Variants in SLC26A9 observed in about 807,000 individuals in gnomAD.
SLC26A9 encodes anion transporter/exchanger protein 9.
SLC26A9 carries 46 observed loss-of-function variants against 87.1 expected under a neutral mutation model. The observed-to-expected ratio is 0.53, with a 90% confidence interval of 0.42 to 0.67. The LOEUF (loss-of-function observed/expected upper bound fraction) is 0.67, where lower values mean the gene tolerates loss of function less well. SLC26A9 is among the 30% of genes least tolerant of loss of function. The pLI is 0.00. For synonymous variants in SLC26A9, 437 were observed against 409.1 expected, an observed-to-expected ratio of 1.07 and a Z score of -0.82; for missense variants, 927 against 1,018.3, an observed-to-expected ratio of 0.91 and a Z score of 1.22.
chr1:205,939,127 C>CAT (rs1659636998), intron 1 of SLC26A9, among the ~76,000 whole-genome samples: 1 of 152,204 alleles, frequency 6.6e-6, no homozygotes, highest in African/African-American at 2.4e-5. Flanking sequence ...CCTGAGTTTG[C>CAT]ATAAAGAGGA....
At chr1:205,921,150 G>C (rs1012147382) in intron 17 of SLC26A9, among the ~76,000 whole-genome samples, 1 of 152,236 alleles carries the variant, frequency 6.6e-6, no homozygotes, top group Non-Finnish European at 1.5e-5. Flanking sequence ...TGGCCTGATG[G>C]TGTGGGGCAC....
At chr1:205,929,144 G>A in intron 7 of SLC26A9, 60 bp downstream of exon 7, 1 of 1,578,096 alleles carries the variant, frequency 6.3e-7, no homozygotes, top group East Asian at 2.2e-5. Context: ...AGGAAAGGTA[G>A]GGGCTTCCTC....
intron 15 of SLC26A9, 68 bp downstream of exon 15, chr1:205,923,267 G>T: frequency 6.2e-7 from 1 of 1,609,162 alleles, no homozygotes; most frequent in Non-Finnish European, 8.5e-7. Context: ...AGCTCCCACC[G>T]CCCTTCTGCT....
chr1:205,934,793 A>G (rs1659442873), intron 2 of SLC26A9, among the ~76,000 whole-genome samples: 1 of 152,234 alleles, frequency 6.6e-6, no homozygotes, highest in South Asian at 2.1e-4. Context: ...TCTGAGGAGC[A>G]CAGCTGTGAG....
At chr1:205,918,493 G>A (rs1571729165) in intron 19 of SLC26A9, among the ~76,000 whole-genome samples, 1 of 152,182 alleles carries the variant, frequency 6.6e-6, no homozygotes, top group African/African-American at 2.4e-5. Flanking sequence ...GGAGGAGGCA[G>A]GGAACGATGC....
At chr1:205,916,103 T>TTTTGTTTG (rs10647790) in intron 20 of SLC26A9, among the ~76,000 whole-genome samples, 9 of 151,588 alleles carry the variant, frequency 5.9e-5, no homozygotes, top group Admixed American at 5.9e-4. Context: ...TTAGGTTTTG[T>TTTTGTTTG]TTTGTTTGTT....
chr1:205,922,201 A>G (rs1658869196), intron 16 of SLC26A9, among the ~76,000 whole-genome samples: 1 of 152,164 alleles, frequency 6.6e-6, no homozygotes, highest in Non-Finnish European at 1.5e-5. Context: ...CAGTGGCACT[A>G]TCTCGGCTCA....
At position 205,926,637 on chromosome 1, in the gene SLC26A9, A is replaced by C; in HGVS notation, c.1294-7T>G. ...TCAGGGCTCCTAGCACAGACTAGAG[A>C]AGCAGAACATTGCTCCAGGACCCCA... On this transcript the variant is annotated splice_polypyrimidine_tract_variant and splice_region_variant and intron_variant, in intron 11 of 20. Transcript: ENST00000367135. 1.2e-6 allele frequency: 2 copies of C among 1,613,262 alleles called. No individual in the cohort carries two copies. The highest frequency in any genetic ancestry group is 1.3e-5 in the African/African-American group (1 of 74,964).
chr1:205,926,284 T>C (rs750675716), intron 12 of SLC26A9, among the ~76,000 whole-genome samples: 12 of 152,194 alleles, frequency 7.9e-5, no homozygotes, highest in Non-Finnish European at 1.6e-4. Context: ...AAATAACCAT[T>C]TGCCCAGTTA....
chr1:205,934,561 ACATTCATTCATT>A (rs373462472), intron 2 of SLC26A9, among the ~76,000 whole-genome samples: 1 of 152,220 alleles, frequency 6.6e-6, no homozygotes, highest in Non-Finnish European at 1.5e-5. Flanking sequence ...AGCTTTCTAG[ACATTCATTCATT>A]CATTCATTCA....
Position 205,914,767 on chromosome 1 carries a change from G to GA in SLC26A9, c.*589_*590insT. On this transcript the variant is annotated 3_prime_UTR_variant, in exon 21 of 21. Coordinates refer to ENST00000367135, the MANE Select transcript of SLC26A9 (RefSeq NM_052934.4). The stretch of plus-strand genomic sequence containing the variant: ...GCAGCCTTGGGGATGATGGAGGGGG[G>GA]GCGCATAGTTACCAAGGCCTAGACT... 3 of 1,199,342 alleles carry GA rather than the reference G, an allele frequency of 2.5e-6. No individual in the cohort carries two copies. Among genetic ancestry groups the GA allele is most frequent in the Non-Finnish European group, 2.3e-6 (2 of 852,608 alleles). 74.3% of individuals were successfully genotyped at this position (1,199,342 alleles called of 1,614,324 possible). A position where few individuals can be genotyped will look rare whatever the true frequency, so the allele number is the denominator to read the frequency against.
intron 8 of SLC26A9, 82 bp from the exon 9 acceptor site, chr1:205,928,131 C>A: frequency 6.7e-7 from 1 of 1,501,812 alleles, no homozygotes; most frequent in Non-Finnish European, 9.0e-7. Flanking sequence ...CCACAGGGAC[C>A]AGCCAGGCCC....
chr1:205,922,963 C>T (rs370279960), intron 16 of SLC26A9, 119 bp downstream of exon 16: 1 of 831,794 alleles, frequency 1.2e-6, no homozygotes, highest in Non-Finnish European at 2.0e-6. Context: ...TTCCCAGAGA[C>T]TTTCTGTCTT....
At position 205,914,633 on chromosome 1, in the gene SLC26A9, C is replaced by G. The variant is rs1314717201; in HGVS notation, c.*724G>C. The G allele has an allele frequency of 2.3e-6, 1 of 437,182 alleles. No individual in the cohort carries two copies. Among genetic ancestry groups the G allele is most frequent in the South Asian group, 4.6e-5 (1 of 21,508 alleles). 27.1% of individuals were successfully genotyped at this position (437,182 alleles called of 1,614,324 possible). On this transcript the variant is annotated 3_prime_UTR_variant, in exon 21 of 21. Coordinates refer to ENST00000367135, the MANE Select transcript of SLC26A9 (RefSeq NM_052934.4). Reference sequence around the variant, plus strand: ...GCAGTGATGTTTCAGGAGGCTGAGGCAGAACCTTAGTGGGCTGTCCCCGGG... The same window carrying G: ...GCAGTGATGTTTCAGGAGGCTGAGGGAGAACCTTAGTGGGCTGTCCCCGGG...
chr1:205,920,070 T>C (rs982089977), intron 18 of SLC26A9, 106 bp downstream of exon 18: 3 of 1,268,352 alleles, frequency 2.4e-6, no homozygotes, highest in Non-Finnish European at 3.4e-6. Context: ...GGGGGATAGC[T>C]GGGTGCTCTC....
At chr1:205,926,271 A>G (rs919188113) in intron 12 of SLC26A9, among the ~76,000 whole-genome samples, 1 of 152,238 alleles carries the variant, frequency 6.6e-6, no homozygotes, top group African/African-American at 2.4e-5. Context: ...GGCAGAGAGC[A>G]TAAAATAACC....
intron 1 of SLC26A9, among the ~76,000 whole-genome samples, chr1:205,942,662 C>T (rs560996397): frequency 6.6e-6 from 1 of 152,310 alleles, no homozygotes; most frequent in Admixed American, 6.5e-5. Context: ...GGCTGCCCAT[C>T]CACTGTCCTG....
chr1:205,919,490 C>A (rs1296096255), intron 18 of SLC26A9, among the ~76,000 whole-genome samples: 1 of 152,200 alleles, frequency 6.6e-6, no homozygotes, highest in Non-Finnish European at 1.5e-5. Context: ...GATTCTCTCC[C>A]CGAACGTGGC....
chr1:205,913,574 C>T lies in SLC26A9; in HGVS notation c.*1783G>A, dbSNP rs189687708. The T allele has an allele frequency of 4.6e-5, 7 of 152,794 alleles. No homozygotes were observed. In the East Asian group the frequency reaches 1.4e-3, roughly 29 times the overall value. The allele number at this position is 152,794 out of a possible 1,614,324, so 9.5% of individuals were successfully genotyped here. On this transcript the variant is annotated 3_prime_UTR_variant, in exon 21 of 21. Transcript: ENST00000367135. Reference sequence around the variant, plus strand: ...AGGCTCTGTGACCTTCTCCCACCTCCTGGGCCTGAGCTGGACTTGGAAGGA... The same window carrying T: ...AGGCTCTGTGACCTTCTCCCACCTCTTGGGCCTGAGCTGGACTTGGAAGGA...
Sources: allele counts gnomAD v4.1 joint callset (sites outside exome capture counted in the v4.1 genomes callset), GRCh38; gene constraint gnomAD v4.1.1; transcripts MANE v1.5; gene names NCBI Gene and HGNC (gene_info 2026-07-23, HGNC 2026-07-21).